Variants in OR14I1 observed in about 807,000 individuals in gnomAD.
OR14I1 encodes the protein olfactory receptor 14I1.
For synonymous variants in OR14I1, 118 were observed against 71.1 expected (o/e 1.66, Z -3.32); for missense variants, 279 against 181.8 (o/e 1.53, Z -3.07).
At chr1:248,688,733 A>G in the OR14I1 span, among the ~76,000 whole-genome samples, 1 of 152,200 alleles carries the variant, frequency 6.6e-6, no homozygotes, top group Non-Finnish European at 1.5e-5. Flanking sequence ...TTGGCAGAGT[A>G]TGTGTTTAGC....
chr1:248,698,155 A>T, the OR14I1 span, among the ~76,000 whole-genome samples: 2 of 152,198 alleles, frequency 1.3e-5, no homozygotes, highest in African/African-American at 2.4e-5. Context: ...TTAGAAGGCT[A>T]ACCATGTTGG....
the OR14I1 span, among the ~76,000 whole-genome samples, chr1:248,702,418 A>G: frequency 1.3e-5 from 2 of 152,212 alleles, no homozygotes; most frequent in Non-Finnish European, 2.9e-5. Context: ...GTAATTAAGA[A>G]GAAATTCTAT....
upstream of OR14I1, among the ~76,000 whole-genome samples, chr1:248,685,656 T>C (rs957914355): frequency 1.3e-5 from 2 of 151,570 alleles, no homozygotes; most frequent in East Asian, 1.9e-4. Flanking sequence ...ATAATTTATA[T>C]ATAGTTGTGT....
At chr1:248,701,696 A>G in the OR14I1 span, among the ~76,000 whole-genome samples, 2 of 152,196 alleles carry the variant, frequency 1.3e-5, no homozygotes, top group Admixed American at 6.5e-5. Context: ...ATTCACTTCA[A>G]ATGAAATCAA....
At chr1:248,682,051 G>A (rs368846642) in exon 1 of OR14I1, 25 of 780,996 alleles carry the variant, frequency 3.2e-5, no homozygotes, top group Non-Finnish European at 5.5e-5. Flanking sequence ...GCTTCTGCGA[G>A]TCAGGGAGTT....
the OR14I1 span, among the ~76,000 whole-genome samples, chr1:248,701,575 A>C: frequency 7.7e-3 from 1,172 of 152,344 alleles, 19 homozygotes; most frequent in African/African-American, 0.027. Context: ...GTTGATTTTC[A>C]ATTTTTGTGA....
At chr1:248,689,214 G>A in the OR14I1 span, among the ~76,000 whole-genome samples, 3 of 152,062 alleles carry the variant, frequency 2.0e-5, no homozygotes, top group Non-Finnish European at 4.4e-5. Flanking sequence ...TCCCCACTGT[G>A]GCCTTTGTAA....
At chr1:248,691,157 A>G in the OR14I1 span, among the ~76,000 whole-genome samples, 1 of 152,230 alleles carries the variant, frequency 6.6e-6, no homozygotes, top group Admixed American at 6.5e-5. Context: ...TAAGCCATCA[A>G]AACAGCAGTT....
the OR14I1 span, chr1:248,697,104 C>T: frequency 6.6e-6 from 1 of 152,118 alleles, no homozygotes; most frequent in Non-Finnish European, 1.5e-5. Flanking sequence ...GTTTTAAGTG[C>T]CCAACATGCT....
chr1:248,700,176 G>A, the OR14I1 span, among the ~76,000 whole-genome samples: 75 of 152,280 alleles, frequency 4.9e-4, no homozygotes, highest in African/African-American at 1.7e-3. Context: ...CCTTGCTCCC[G>A]CATTTTTGTC....
chr1:248,681,372 C>G (rs764202817), exon 1 of OR14I1: 3 of 733,958 alleles, frequency 4.1e-6, no homozygotes, highest in South Asian at 1.5e-5. Context: ...GGATGTTCTA[C>G]TTTTGCAGAA....
chr1:248,699,628 T>A, the OR14I1 span, among the ~76,000 whole-genome samples: 1 of 152,146 alleles, frequency 6.6e-6, no homozygotes, highest in African/African-American at 2.4e-5. Context: ...CTGCCCTGGA[T>A]GAACACAGTG....
downstream of OR14I1, among the ~76,000 whole-genome samples, chr1:248,680,342 A>G (rs1042052774): frequency 6.6e-6 from 1 of 152,200 alleles, no homozygotes; most frequent in African/African-American, 2.4e-5. Context: ...GAGATTTGGG[A>G]TGTAAAGTCC....
At chr1:248,691,595 T>A in the OR14I1 span, among the ~76,000 whole-genome samples, 1 of 152,222 alleles carries the variant, frequency 6.6e-6, no homozygotes, top group South Asian at 2.1e-4. Context: ...TCGTCAGAAC[T>A]GTGGAACTAG....
upstream of OR14I1, among the ~76,000 whole-genome samples, chr1:248,685,800 G>T (rs1019808154): frequency 6.6e-6 from 1 of 150,420 alleles, no homozygotes; most frequent in African/African-American, 2.4e-5. Context: ...GTATATATTT[G>T]TGTACATATA....
At chr1:248,701,182 C>CAG in the OR14I1 span, among the ~76,000 whole-genome samples, 5 of 151,966 alleles carry the variant, frequency 3.3e-5, no homozygotes, top group Non-Finnish European at 7.4e-5. Flanking sequence ...GACGGAGTCT[C>CAG]TCTCTATCAC....
the OR14I1 span, among the ~76,000 whole-genome samples, chr1:248,691,277 TG>T: frequency 2.0e-5 from 3 of 152,172 alleles, 1 homozygote; most frequent in South Asian, 4.1e-4. Context: ...TGCTAAAGGC[TG>T]GAAGTATGTG....
chr1:248,681,167 T>G (rs1389750777), downstream of OR14I1, among the ~76,000 whole-genome samples: 1 of 152,182 alleles, frequency 6.6e-6, no homozygotes, highest in African/African-American at 2.4e-5. Context: ...TTTATACTTT[T>G]ATACTTTTAG....
chr1:248,691,207 T>TCA, the OR14I1 span, among the ~76,000 whole-genome samples: 1 of 152,194 alleles, frequency 6.6e-6, no homozygotes, highest in Non-Finnish European at 1.5e-5. Flanking sequence ...AGCTCATAGG[T>TCA]AGAAGGGACC....
Sources: allele counts gnomAD v4.1 joint callset (sites outside exome capture counted in the v4.1 genomes callset), GRCh38; gene constraint gnomAD v4.1.1; transcripts MANE v1.5; gene names NCBI Gene and HGNC (gene_info 2026-07-23, HGNC 2026-07-21).